The following ITCH variants were observed in gnomAD, a reference collection of about 807,000 sequenced individuals.
ITCH encodes E3 ubiquitin-protein ligase Itchy homolog.
Under a neutral mutation model 126.8 loss-of-function variants are expected in ITCH, and 28 were observed. The observed-to-expected ratio is 0.22, with a 90% CI of 0.16 to 0.30. The LOEUF is 0.30. Ranked by LOEUF, ITCH falls within the 10% of genes least tolerant of loss-of-function variation. The pLI is 1.00. For synonymous variants in ITCH, 342 were observed against 340.0 expected, an observed-to-expected ratio of 1.01 and a Z score of -0.06; for missense variants, 631 against 1,032.4, an observed-to-expected ratio of 0.61 and a Z score of 5.33.
At chr20:34,388,140 C>T (rs2038357019) in intron 2 of ITCH, among the ~76,000 whole-genome samples, 2 of 151,554 alleles carry the variant, frequency 1.3e-5, no homozygotes, top group South Asian at 2.1e-4. Context: ...CTGTGTTGCC[C>T]AGGCTGGAAT....
intron 3 of ITCH, among the ~76,000 whole-genome samples, chr20:34,406,909 A>G (rs6579165): frequency 0.55 from 83,993 of 151,932 alleles, 23,781 homozygotes; most frequent in African/African-American, 0.65. Context: ...GATGAGCATT[A>G]GCATTCTCTG....
At chr20:34,417,082 AT>A in intron 6 of ITCH, 1 of 609,658 alleles carries the variant, frequency 1.6e-6, no homozygotes, top group Non-Finnish European at 3.0e-6. Flanking sequence ...GCTAATTTTA[AT>A]TTGCTATTTA....
intron 3 of ITCH, among the ~76,000 whole-genome samples, chr20:34,406,123 GCGATC>G (rs2039050908): frequency 2.0e-5 from 3 of 151,738 alleles, no homozygotes; most frequent in African/African-American, 4.8e-5. Context: ...CCAGGCTTAA[GCGATC>G]CTCCTGCCTC....
chr20:34,453,760 G>A (rs1268652046), intron 12 of ITCH, among the ~76,000 whole-genome samples: 1 of 152,084 alleles, frequency 6.6e-6, no homozygotes, highest in African/African-American at 2.4e-5. Context: ...TTGGGAGGTC[G>A]AGGCGGGTGA....
intron 6 of ITCH, among the ~76,000 whole-genome samples, chr20:34,414,381 C>T (rs1979506091): frequency 6.6e-6 from 1 of 150,830 alleles, no homozygotes; most frequent in Non-Finnish European, 1.5e-5. Context: ...GATGCCACAC[C>T]GCCAACTGTG....
intron 7 of ITCH, among the ~76,000 whole-genome samples, chr20:34,436,032 T>C (rs754978959): frequency 1.4e-4 from 21 of 152,146 alleles, no homozygotes; most frequent in South Asian, 4.1e-4. Flanking sequence ...CATTGAAAAA[T>C]TGAGATCAAA....
At chr20:34,437,683 G>A (rs1340806983) in intron 7 of ITCH, among the ~76,000 whole-genome samples, 8 of 152,168 alleles carry the variant, frequency 5.3e-5, no homozygotes, top group Non-Finnish European at 7.3e-5. Context: ...TTAGTACTGT[G>A]TAGTGGTTTG....
intron 7 of ITCH, among the ~76,000 whole-genome samples, chr20:34,438,246 T>C (rs1983274688): frequency 6.6e-6 from 1 of 152,212 alleles, no homozygotes. Flanking sequence ...CAAGTGTTCC[T>C]ATGCCCTTGG....
chr20:34,405,439 A>G (rs2039026729), intron 3 of ITCH, among the ~76,000 whole-genome samples: 1 of 152,024 alleles, frequency 6.6e-6, no homozygotes, highest in Non-Finnish European at 1.5e-5. Context: ...CGGCAGGCGG[A>G]GGTTGCAATG....
chr20:34,503,449 TA>T (rs1990388497), intron 23 of ITCH, among the ~76,000 whole-genome samples: 1 of 152,234 alleles, frequency 6.6e-6, no homozygotes, highest in Admixed American at 6.5e-5. Flanking sequence ...GCAAGTATTT[TA>T]TGTTTATACT....
chr20:34,394,516 G>T (rs934468947), intron 3 of ITCH, among the ~76,000 whole-genome samples: 1 of 152,090 alleles, frequency 6.6e-6, no homozygotes, highest in African/African-American at 2.4e-5. Context: ...TCCTGCTGTG[G>T]TGACTACAGT....
At chr20:34,372,092 G>A (rs1013563351) in intron 2 of ITCH, among the ~76,000 whole-genome samples, 1 of 151,838 alleles carries the variant, frequency 6.6e-6, no homozygotes, top group Non-Finnish European at 1.5e-5. Flanking sequence ...GGATCACGAG[G>A]TCAGAAGATC....
intron 9 of ITCH, among the ~76,000 whole-genome samples, 186 bp downstream of exon 9, chr20:34,440,530 C>G (rs1216210928): frequency 1.3e-5 from 2 of 151,600 alleles, no homozygotes; most frequent in Non-Finnish European, 2.9e-5. Context: ...GATCTTGGCT[C>G]ACTGCGACCT....
intron 8 of ITCH, among the ~76,000 whole-genome samples, chr20:34,439,320 G>C (rs1312551393): frequency 6.6e-6 from 1 of 152,074 alleles, no homozygotes; most frequent in East Asian, 1.9e-4. Flanking sequence ...CTGTCACCCA[G>C]ACTGGAATGT....
Position 34,507,287 on chromosome 20 carries a change from TTTG to T in ITCH, c.2490-407_2490-405del, listed in dbSNP as rs1208793832. On this transcript the variant is annotated intron_variant, in intron 24 of 24. Transcript: ENST00000374864. ...TGTTTTTTTTTTTTTTTTTTTTTTT[TTTG>T]GTTGTTGTTGTTGTTGTTTTGGTGT... Among the ~76,000 whole-genome samples, 227 of 104,490 alleles carry T rather than the reference TTTG, an allele frequency of 2.2e-3. 1 individual carries two copies. Among genetic ancestry groups the T allele is most frequent in the Middle Eastern group, 9.4e-3 (2 of 212 alleles). 68.5% of individuals were successfully genotyped at this position (104,490 alleles called of 152,430 possible). A position where few individuals can be genotyped will look rare whatever the true frequency, so the allele number is the denominator to read the frequency against.
intron 1 of ITCH, 84 bp from the exon 2 acceptor site, chr20:34,369,310 C>G (rs958656761): frequency 2.6e-6 from 1 of 386,234 alleles, no homozygotes; most frequent in South Asian, 1.4e-4. Flanking sequence ...TCTAGCCTGG[C>G]GACAGAGCAA....
rs375507575 is a variant in ITCH at position 34,428,670 on chromosome 20, G to A, written c.521+4145G>A. Among the ~76,000 whole-genome samples, 5 of 151,666 alleles carry A rather than the reference G, an allele frequency of 3.3e-5. No homozygotes were observed. In the East Asian group the frequency reaches 5.8e-4, roughly 18 times the overall value. On this transcript the variant is annotated intron_variant, in intron 7 of 24. Coordinates refer to ENST00000374864, the MANE Select transcript of ITCH (RefSeq NM_031483.7). The stretch of plus-strand genomic sequence containing the variant: ...TCACCTGAAGCATTTGCCCTATCTC[G>A]GCCTCCCGAAGTGTTGGGATTACAG...
rs762886442 is a variant in ITCH, at chr20:34,508,061, T to C, written c.*267T>C. 5.5e-5 allele frequency: 23 copies of C among 419,774 alleles called. No homozygotes were observed. Among genetic ancestry groups the C allele is most frequent in the Non-Finnish European group, 8.5e-5 (19 of 223,084 alleles). 26.0% of individuals were successfully genotyped at this position (419,774 alleles called of 1,614,324 possible). ...TTTGCCTTGTCTTATTCCACTAGTT[T>C]ATTCCTTTAACAACAATATTTTATG... On this transcript the variant is annotated 3_prime_UTR_variant, in exon 25 of 25. Coordinates refer to ENST00000374864, the MANE Select transcript of ITCH (RefSeq NM_031483.7).
chr20:34,460,293 A>G (rs895289390), intron 13 of ITCH, among the ~76,000 whole-genome samples: 8 of 150,132 alleles, frequency 5.3e-5, no homozygotes, highest in African/African-American at 7.4e-5. Flanking sequence ...GGCTCAAGCA[A>G]TCCTCCTGCC....
Sources: allele counts gnomAD v4.1 joint callset (sites outside exome capture counted in the v4.1 genomes callset), GRCh38; gene constraint gnomAD v4.1.1; transcripts MANE v1.5; gene names NCBI Gene and HGNC (gene_info 2026-07-23, HGNC 2026-07-21).